KLHL29: variants seen among roughly 807,000 people sequenced by gnomAD.
KLHL29 encodes the protein kelch-like protein 29.
A neutral mutation model predicts 80.4 loss-of-function variants in KLHL29; 21 were observed. The observed-to-expected ratio is 0.26, with a 90% CI of 0.19 to 0.38. The LOEUF is 0.38. KLHL29 is among the 10% of genes least tolerant of loss of function. The pLI is 1.00. For missense variants in KLHL29, 867 were observed against 1,223.9 expected (o/e 0.71, Z 4.35); for synonymous variants, 511 against 526.8 (o/e 0.97, Z 0.41).
chr2:23,403,010 CTATA>C (rs1204936583), intron 1 of KLHL29, among the ~76,000 whole-genome samples: 1 of 149,982 alleles, frequency 6.7e-6, no homozygotes, highest in Non-Finnish European at 1.5e-5. Context: ...ACGTACTATA[CTATA>C]TATATAGTGT....
In KLHL29 at chr2:23,436,049, C is replaced by T. The variant is rs544349093; in HGVS notation, c.-153-39511C>T. Among the ~76,000 whole-genome samples, 144 of 152,234 alleles carry T rather than the reference C, an allele frequency of 9.5e-4. 1 individual carries two copies. The highest frequency in any genetic ancestry group is 3.2e-3 in the African/African-American group (133 of 41,532). Reference sequence around the variant, plus strand: ...ATCTTCTGCCCCGGGCTTTTCAAATCTCCAACTCCTCTTAAAGTATACAGC... The same window carrying T: ...ATCTTCTGCCCCGGGCTTTTCAAATTTCCAACTCCTCTTAAAGTATACAGC... On this transcript the variant is annotated intron_variant, in intron 1 of 13. Coordinates refer to ENST00000486442, the MANE Select transcript of KLHL29 (RefSeq NM_052920.2).
At chr2:23,540,126 A>T (rs1193828233) in intron 2 of KLHL29, among the ~76,000 whole-genome samples, 1 of 151,980 alleles carries the variant, frequency 6.6e-6, no homozygotes, top group East Asian at 1.9e-4. Context: ...ATTTGCCTTC[A>T]TGTCCCCCAG....
intron 1 of KLHL29, among the ~76,000 whole-genome samples, chr2:23,410,033 C>T (rs1211052488): frequency 1.3e-5 from 2 of 152,064 alleles, no homozygotes; most frequent in African/African-American, 4.8e-5. Context: ...GAGAAACTGG[C>T]ATTAAGAAAC....
intron 1 of KLHL29, among the ~76,000 whole-genome samples, chr2:23,419,241 C>T (rs909444178): frequency 2.0e-5 from 3 of 152,258 alleles, no homozygotes; most frequent in South Asian, 2.1e-4. Flanking sequence ...ACACTGGCCC[C>T]GCCCTCTGGC....
At chr2:23,536,914 ACACACTCTCTCTCTCCCTCTCTCGCT>A (rs1666681386) in intron 2 of KLHL29, among the ~76,000 whole-genome samples, 1 of 72,354 alleles carries the variant, frequency 1.4e-5, no homozygotes, top group Non-Finnish European at 2.4e-5. Context: ...ACACACACAC[ACACACTCTCTCTCTCCCTCTCTCGCT>A]CTCTCTCTCT....
intron 1 of KLHL29, among the ~76,000 whole-genome samples, chr2:23,465,521 C>T (rs1664325060): frequency 6.6e-6 from 1 of 152,178 alleles, no homozygotes; most frequent in African/African-American, 2.4e-5. Flanking sequence ...TTCAGGTGCA[C>T]TCTGCACGAC....
At chr2:23,666,672 C>T (rs529605367) in intron 5 of KLHL29, among the ~76,000 whole-genome samples, 89 of 152,344 alleles carry the variant, frequency 5.8e-4, no homozygotes, top group African/African-American at 1.8e-3. Flanking sequence ...CGTGACTGAG[C>T]GAGTTTCCTT....
At chr2:23,542,110 G>C (rs944073289) in intron 2 of KLHL29, among the ~76,000 whole-genome samples, 2 of 152,170 alleles carry the variant, frequency 1.3e-5, no homozygotes, top group African/African-American at 4.8e-5. Context: ...CCAGGGTGGT[G>C]GCAGTGTTTT....
At chr2:23,556,433 G>A in intron 2 of KLHL29, among the ~76,000 whole-genome samples, 1 of 151,706 alleles carries the variant, frequency 6.6e-6, no homozygotes, top group East Asian at 1.9e-4. Context: ...GAGGCCAGGA[G>A]TTTGAGACCA....
intron 2 of KLHL29, among the ~76,000 whole-genome samples, chr2:23,481,540 G>C (rs1664797757): frequency 6.6e-6 from 1 of 152,236 alleles, no homozygotes; most frequent in Non-Finnish European, 1.5e-5. Flanking sequence ...AGCCACAGTA[G>C]CTGGTCAGCA....
chr2:23,454,076 T>C (rs1447479706), intron 1 of KLHL29, among the ~76,000 whole-genome samples: 2 of 152,172 alleles, frequency 1.3e-5, no homozygotes, highest in Non-Finnish European at 2.9e-5. Context: ...AGCCTAATTG[T>C]GTTGTATTTG....
intron 2 of KLHL29, among the ~76,000 whole-genome samples, chr2:23,508,362 T>C (rs1665667554): frequency 6.6e-6 from 1 of 152,228 alleles, no homozygotes; most frequent in Non-Finnish European, 1.5e-5. Context: ...CTCCAAAGCA[T>C]CTTCACTCAG....
chr2:23,445,493 C>T (rs547247923), intron 1 of KLHL29, among the ~76,000 whole-genome samples: 1 of 152,172 alleles, frequency 6.6e-6, no homozygotes, highest in Non-Finnish European at 1.5e-5. Flanking sequence ...GTGGCTACCC[C>T]GGAAGGGATT....
At chr2:23,540,961 T>C (rs1308495052) in intron 2 of KLHL29, among the ~76,000 whole-genome samples, 3 of 152,338 alleles carry the variant, frequency 2.0e-5, no homozygotes, top group Non-Finnish European at 4.4e-5. Flanking sequence ...TCAATCCTTA[T>C]GGCCAGGGGG....
intron 5 of KLHL29, among the ~76,000 whole-genome samples, chr2:23,657,638 G>A (rs1014751986): frequency 6.6e-6 from 1 of 152,220 alleles, no homozygotes; most frequent in African/African-American, 2.4e-5. Context: ...AAGCTTTGAA[G>A]GAGCCCAGCA....
chr2:23,421,538 G>A (rs1387208561), intron 1 of KLHL29, among the ~76,000 whole-genome samples: 2 of 45,196 alleles, frequency 4.4e-5, no homozygotes, highest in African/African-American at 3.5e-4. Context: ...GTGTGTGTGT[G>A]TGTGTGTGTG....
chr2:23,618,763 A>C (rs1669087955), intron 3 of KLHL29, among the ~76,000 whole-genome samples: 1 of 152,218 alleles, frequency 6.6e-6, no homozygotes, highest in Admixed American at 6.5e-5. Flanking sequence ...TGGCTGATAT[A>C]GAAGGCATCC....
intron 2 of KLHL29, among the ~76,000 whole-genome samples, chr2:23,552,117 G>A (rs1046135407): frequency 1.3e-5 from 2 of 152,228 alleles, no homozygotes; most frequent in African/African-American, 4.8e-5. Context: ...CAACCACAGT[G>A]CTGTTAATCA....
At chr2:23,692,197 G>A (rs1009187286) in intron 7 of KLHL29, among the ~76,000 whole-genome samples, 1 of 152,366 alleles carries the variant, frequency 6.6e-6, no homozygotes, top group African/African-American at 2.4e-5. Flanking sequence ...GAAAGGCTAT[G>A]GCCCTGGCCT....
Sources: allele counts gnomAD v4.1 joint callset (sites outside exome capture counted in the v4.1 genomes callset), GRCh38; gene constraint gnomAD v4.1.1; transcripts MANE v1.5; gene names NCBI Gene and HGNC (gene_info 2026-07-23, HGNC 2026-07-21).